The following PLCL1 variants were observed in gnomAD, a reference collection of about 807,000 sequenced individuals.
PLCL1 encodes phospholipase C like 1 (inactive).
PLCL1 carries 41 observed loss-of-function variants against 84.4 expected under a neutral mutation model. The ratio of observed to expected loss-of-function variants is 0.49; its 90% confidence interval spans 0.38 to 0.63. PLCL1 has a LOEUF of 0.63. PLCL1 is among the 30% of genes least tolerant of loss of function. The pLI, the probability that PLCL1 is intolerant of heterozygous loss-of-function variation, is 0.00. For synonymous variants in PLCL1, 490 were observed against 488.3 expected (o/e 1.00, Z -0.05); for missense variants, 1,206 against 1,367.8 (o/e 0.88, Z 1.87).
At chr2:197,851,477 T>G (rs957986044) in intron 1 of PLCL1, among the ~76,000 whole-genome samples, 3 of 152,366 alleles carry the variant, frequency 2.0e-5, no homozygotes, top group Non-Finnish European at 4.4e-5. Flanking sequence ...TCTGATTGGC[T>G]GCAGTGGTCT....
intron 1 of PLCL1, among the ~76,000 whole-genome samples, chr2:197,839,887 C>T (rs137958194): frequency 6.6e-6 from 1 of 152,054 alleles, no homozygotes; most frequent in African/African-American, 2.4e-5. Context: ...CTTTTCATTT[C>T]TTTTGTGGTT....
intron 1 of PLCL1, among the ~76,000 whole-genome samples, chr2:198,010,696 T>A (rs1690847933): frequency 6.6e-6 from 1 of 151,922 alleles, no homozygotes; most frequent in Non-Finnish European, 1.5e-5. Context: ...TCTCTTAATT[T>A]TTTTGGCAGA....
intron 1 of PLCL1, among the ~76,000 whole-genome samples, chr2:197,965,321 T>C (rs1689705256): frequency 6.6e-6 from 1 of 152,098 alleles, no homozygotes; most frequent in Admixed American, 6.5e-5. Flanking sequence ...TTATTCATCT[T>C]TTCTAGGTTT....
intron 5 of PLCL1, among the ~76,000 whole-genome samples, chr2:198,130,254 C>T (rs1012180975): frequency 6.6e-6 from 1 of 152,280 alleles, no homozygotes; most frequent in African/African-American, 2.4e-5. Context: ...TGGGACACCA[C>T]CCCCTTCTCT....
At chr2:197,923,647 G>A (rs1486665091) in intron 1 of PLCL1, among the ~76,000 whole-genome samples, 5 of 149,932 alleles carry the variant, frequency 3.3e-5, no homozygotes, top group African/African-American at 7.4e-5. Flanking sequence ...GATGGCGGCC[G>A]GGCGCAGACG....
At chr2:197,944,756 C>G (rs1217065555) in intron 1 of PLCL1, among the ~76,000 whole-genome samples, 3 of 152,148 alleles carry the variant, frequency 2.0e-5, no homozygotes, top group African/African-American at 7.2e-5. Context: ...TCTAAAGTAT[C>G]CAGTATCTCA....
chr2:198,048,761 C>G (rs187307220), intron 1 of PLCL1, among the ~76,000 whole-genome samples: 24 of 152,342 alleles, frequency 1.6e-4, no homozygotes, highest in African/African-American at 5.1e-4. Flanking sequence ...CATTGGAGAT[C>G]ATATTTCAAC....
chr2:197,858,211 A>G (rs1687364086), intron 1 of PLCL1, among the ~76,000 whole-genome samples: 2 of 152,212 alleles, frequency 1.3e-5, no homozygotes, highest in African/African-American at 4.8e-5. Flanking sequence ...TTGGAAACAA[A>G]GGGACCTGAG....
At chr2:198,062,497 C>T (rs1482825765) in intron 1 of PLCL1, among the ~76,000 whole-genome samples, 1 of 152,124 alleles carries the variant, frequency 6.6e-6, no homozygotes, top group East Asian at 1.9e-4. Flanking sequence ...AGTGGTGACT[C>T]CCTATTATAT....
chr2:198,044,713 A>G (rs1054707944), intron 1 of PLCL1, among the ~76,000 whole-genome samples: 2 of 152,192 alleles, frequency 1.3e-5, no homozygotes, highest in Non-Finnish European at 2.9e-5. Context: ...ATGGAGAAAA[A>G]TAGAAAGAAA....
intron 4 of PLCL1, among the ~76,000 whole-genome samples, chr2:198,103,511 T>C (rs1693394507): frequency 6.6e-6 from 1 of 152,048 alleles, no homozygotes; most frequent in Non-Finnish European, 1.5e-5. Context: ...TGTTGTGTTA[T>C]CAATTACTAG....
At position 197,852,919 on chromosome 2, in the gene PLCL1, A is replaced by G. The variant is rs563116949; in HGVS notation, c.240+47580A>G. ...TTAACTATTTTAGCCATTTTTAAGCATTAAGTACATTCACATTGTTCTGCA... is the reference window on the plus strand; with the variant it reads ...TTAACTATTTTAGCCATTTTTAAGCGTTAAGTACATTCACATTGTTCTGCA... On this transcript the variant is annotated intron_variant, in intron 1 of 5. Transcript: ENST00000428675. Among the ~76,000 whole-genome samples the G allele has an allele frequency of 3.3e-5, 5 of 152,308 alleles. No individual in the cohort carries two copies. The East Asian group carries it at 9.6e-4, about 29-fold the overall frequency.
At chr2:197,939,500 G>C (rs1212904996) in intron 1 of PLCL1, among the ~76,000 whole-genome samples, 1 of 152,038 alleles carries the variant, frequency 6.6e-6, no homozygotes, top group Non-Finnish European at 1.5e-5. Context: ...TGGCAGGTTT[G>C]GTTTCTTCTG....
intron 1 of PLCL1, among the ~76,000 whole-genome samples, chr2:197,943,023 A>G (rs916692176): frequency 6.6e-6 from 1 of 152,014 alleles, no homozygotes; most frequent in East Asian, 1.9e-4. Flanking sequence ...CCTGGGCAGT[A>G]TAGTGAGACC....
intron 1 of PLCL1, among the ~76,000 whole-genome samples, chr2:197,937,924 T>C (rs898843378): frequency 6.6e-6 from 1 of 151,976 alleles, no homozygotes; most frequent in African/African-American, 2.4e-5. Flanking sequence ...ATATTTAAGG[T>C]GGTATTAGTG....
At chr2:198,116,361 A>G (rs1693748114) in intron 5 of PLCL1, among the ~76,000 whole-genome samples, 1 of 151,816 alleles carries the variant, frequency 6.6e-6, no homozygotes, top group Non-Finnish European at 1.5e-5. Flanking sequence ...ATTTTGTACT[A>G]TTAATTACTC....
At chr2:197,968,480 A>G (rs1009320215) in intron 1 of PLCL1, among the ~76,000 whole-genome samples, 2 of 152,208 alleles carry the variant, frequency 1.3e-5, no homozygotes, top group African/African-American at 4.8e-5. Context: ...TTTTTGGGGT[A>G]CTTTCTAGGT....
intron 3 of PLCL1, among the ~76,000 whole-genome samples, chr2:198,093,079 G>T (rs1163807964): frequency 1.3e-5 from 2 of 152,164 alleles, no homozygotes; most frequent in Non-Finnish European, 2.9e-5. Flanking sequence ...AACTTACAGA[G>T]TAAGGCAAAA....
intron 1 of PLCL1, among the ~76,000 whole-genome samples, chr2:198,069,261 C>T (rs1048017894): frequency 2.6e-5 from 4 of 150,970 alleles, no homozygotes; most frequent in African/African-American, 7.3e-5. Flanking sequence ...GAGACTGAGG[C>T]GGGAGGATCA....
Sources: allele counts gnomAD v4.1 joint callset (sites outside exome capture counted in the v4.1 genomes callset), GRCh38; gene constraint gnomAD v4.1.1; transcripts MANE v1.5; gene names NCBI Gene and HGNC (gene_info 2026-07-23, HGNC 2026-07-21).